The following HTR4 variants were observed in gnomAD, a reference collection of about 807,000 sequenced individuals.
The protein encoded by HTR4 is 5-hydroxytryptamine receptor 4.
HTR4 carries 16 observed loss-of-function variants against 36.8 expected under a neutral mutation model. That is an observed-to-expected ratio of 0.43 (90% confidence interval 0.29 to 0.66). The LOEUF (loss-of-function observed/expected upper bound fraction) is 0.66. Ranked by LOEUF, HTR4 falls within the 30% of genes least tolerant of loss-of-function variation. The pLI is 0.13. For missense variants in HTR4, 438 were observed against 490.9 expected, an observed-to-expected ratio of 0.89 and a Z score of 1.02; for synonymous variants, 189 against 185.1, an observed-to-expected ratio of 1.02 and a Z score of -0.17.
At chr5:148,494,815 A>G (rs1434229222) in intron 6 of HTR4, among the ~76,000 whole-genome samples, 1 of 152,242 alleles carries the variant, frequency 6.6e-6, no homozygotes, top group Non-Finnish European at 1.5e-5. Flanking sequence ...TAGTGTGATT[A>G]AAAAACTGAG....
intron 2 of HTR4, among the ~76,000 whole-genome samples, chr5:148,603,463 T>C (rs1210897962): frequency 6.6e-6 from 1 of 152,066 alleles, no homozygotes; most frequent in African/African-American, 2.4e-5. Context: ...TTTTTCATAA[T>C]ATCAAAAATG....
intron 2 of HTR4, among the ~76,000 whole-genome samples, chr5:148,561,981 G>T (rs770257420): frequency 6.6e-6 from 1 of 152,172 alleles, no homozygotes; most frequent in South Asian, 2.1e-4. Context: ...CTGTTGCCAA[G>T]TACTATGGTT....
rs1755917997 is a variant in HTR4, at chr5:148,482,179, C to T, written c.*1024G>A. ...CATCCCCAGTGCTGCTGGATCCTGC[C>T]CTCCTGCACCTTGGGGGAGCTGCAG... On this transcript the variant is annotated 3_prime_UTR_variant, in exon 7 of 7. Coordinates refer to ENST00000377888, the MANE Select transcript of HTR4 (RefSeq NM_000870.7). 1.1e-5 allele frequency: 11 copies of T among 985,434 alleles called. No homozygotes were observed. In the South Asian group the frequency reaches 5.2e-4, roughly 46 times the overall value. The allele number at this position is 985,434 out of a possible 1,614,324, so 61.0% of individuals were successfully genotyped here. A position where few individuals can be genotyped will look rare whatever the true frequency, so the allele number is the denominator to read the frequency against.
At chr5:148,652,837 A>T (rs1353926927) in intron 1 of HTR4, among the ~76,000 whole-genome samples, 1 of 152,146 alleles carries the variant, frequency 6.6e-6, no homozygotes, top group Non-Finnish European at 1.5e-5. Flanking sequence ...AATAAACATG[A>T]TTAAGAAATG....
At chr5:148,487,931 A>G (rs1372682484) in intron 6 of HTR4, among the ~76,000 whole-genome samples, 3 of 152,244 alleles carry the variant, frequency 2.0e-5, no homozygotes, top group Non-Finnish European at 4.4e-5. Context: ...CACATTGAAG[A>G]TAAACAGATG....
At chr5:148,473,673 C>T (rs1041828961), downstream of HTR4, among the ~76,000 whole-genome samples, 2 of 152,020 alleles carry the variant, frequency 1.3e-5, no homozygotes, top group Non-Finnish European at 2.9e-5. Context: ...TTATGTATCT[C>T]TCCTCTAACA....
At chr5:148,466,345 A>G (rs1328125251) in intron 5 of HTR4, among the ~76,000 whole-genome samples, 1 of 152,202 alleles carries the variant, frequency 6.6e-6, no homozygotes, top group Non-Finnish European at 1.5e-5. Flanking sequence ...GACCGTCTCA[A>G]TGTGATACTC....
At chr5:148,534,010 G>A (rs1477640354) in intron 4 of HTR4, among the ~76,000 whole-genome samples, 1 of 152,158 alleles carries the variant, frequency 6.6e-6, no homozygotes, top group Admixed American at 6.5e-5. Context: ...GAATGAATTG[G>A]TCTCTAAAGG....
chr5:148,608,924 C>T (rs2127277600), intron 2 of HTR4, among the ~76,000 whole-genome samples: 1 of 152,314 alleles, frequency 6.6e-6, no homozygotes, highest in Middle Eastern at 3.4e-3. Flanking sequence ...CGGCCATCAA[C>T]TCCCAGATGG....
chr5:148,564,951 A>T (rs1760372362), intron 2 of HTR4, among the ~76,000 whole-genome samples: 1 of 151,952 alleles, frequency 6.6e-6, no homozygotes, highest in African/African-American at 2.4e-5. Flanking sequence ...CTCTGCTAAA[A>T]ATACAAAAAT....
chr5:148,551,167 G>T (rs1299171857), intron 2 of HTR4, among the ~76,000 whole-genome samples: 1 of 152,102 alleles, frequency 6.6e-6, no homozygotes, highest in Non-Finnish European at 1.5e-5. Context: ...CAGTTACTTG[G>T]CCTGAATGCA....
chr5:148,530,776 G>A (rs894315700), intron 4 of HTR4, among the ~76,000 whole-genome samples: 1 of 152,232 alleles, frequency 6.6e-6, no homozygotes, highest in Non-Finnish European at 1.5e-5. Context: ...ATGCCAGCCT[G>A]TGAAAGCAGA....
intron 2 of HTR4, among the ~76,000 whole-genome samples, chr5:148,595,776 C>G (rs1761742651): frequency 6.6e-6 from 1 of 152,082 alleles, no homozygotes; most frequent in African/African-American, 2.4e-5. Context: ...TTTTAAAAAT[C>G]TTTTCCAATT....
chr5:148,484,571 G>GT (rs909684048), intron 6 of HTR4, among the ~76,000 whole-genome samples: 45 of 152,150 alleles, frequency 3.0e-4, no homozygotes, highest in African/African-American at 6.5e-4. Flanking sequence ...TTAGCAACAA[G>GT]TTTTTTTTAA....
At chr5:148,471,929 G>A (rs1475034426), downstream of HTR4, among the ~76,000 whole-genome samples, 1 of 152,136 alleles carries the variant, frequency 6.6e-6, no homozygotes, top group Admixed American at 6.6e-5. Context: ...TGAGAAAAAG[G>A]GAAACACAAA....
At chr5:148,499,917 A>G (rs1756860782) in intron 6 of HTR4, among the ~76,000 whole-genome samples, 1 of 151,956 alleles carries the variant, frequency 6.6e-6, no homozygotes, top group African/African-American at 2.4e-5. Context: ...TGAGACATGT[A>G]TGAACCCCCC....
intron 2 of HTR4, among the ~76,000 whole-genome samples, chr5:148,614,350 C>G (rs1752571306): frequency 6.6e-6 from 1 of 151,982 alleles, no homozygotes; most frequent in African/African-American, 2.4e-5. Context: ...ATCAATGGAA[C>G]AGAACAGAGC....
At position 148,632,757 on chromosome 5, in the gene HTR4, C is replaced by T. The variant is rs183680960; in HGVS notation, c.26+4232G>A. ...ATAATAAACAGCCAGAAAAAAGAGACAGAAACCTGAACTGCATTTAGCGAT... is the reference window on the plus strand; with the variant it reads ...ATAATAAACAGCCAGAAAAAAGAGATAGAAACCTGAACTGCATTTAGCGAT... On this transcript the variant is annotated intron_variant, in intron 2 of 6. Transcript: ENST00000377888. Among the ~76,000 whole-genome samples, 284 of 152,216 alleles carry T rather than the reference C, an allele frequency of 1.9e-3. 3 individuals are homozygous for T. The highest frequency in any genetic ancestry group is 6.3e-3 in the African/African-American group (262 of 41,546).
In HTR4 at chr5:148,482,116, A is replaced by G. The variant is rs1422160946; in HGVS notation, c.*1087T>C. ...TGTTTGCAGCACAGCCAGGGCGGCA[A>G]TTTGGGTCCTCTGGCTTCAAGTACA... On this transcript the variant is annotated 3_prime_UTR_variant, in exon 7 of 7. Transcript: ENST00000377888. 1 of 985,988 alleles carries G rather than the reference A, an allele frequency of 1.0e-6. No individual in the cohort carries two copies. Among genetic ancestry groups the G allele is most frequent in the Non-Finnish European group, 1.2e-6 (1 of 830,358 alleles). 61.1% of individuals were successfully genotyped at this position (985,988 alleles called of 1,614,324 possible).
Sources: gnomAD v4.1 joint callset for allele counts (sites outside exome capture counted in the v4.1 genomes callset) on GRCh38, gnomAD v4.1.1 for gene constraint, MANE v1.5 for transcripts, NCBI Gene and HGNC (gene_info 2026-07-23, HGNC 2026-07-21) for gene names.